PRR16: variants seen among roughly 807,000 people sequenced by gnomAD.
PRR16 encodes proline rich 16, also known as protein Largen.
A neutral mutation model predicts 18.2 loss-of-function variants in PRR16; 6 were observed. The observed-to-expected ratio is 0.33, with a 90% CI of 0.18 to 0.65. PRR16 has a LOEUF of 0.65. PRR16 is among the 30% of genes least tolerant of loss of function. PRR16 has a pLI of 0.74. For missense variants in PRR16, 412 were observed against 376.6 expected, an observed-to-expected ratio of 1.09 and a Z score of -0.78; for synonymous variants, 151 against 147.8, an observed-to-expected ratio of 1.02 and a Z score of -0.16.
intron 1 of PRR16, among the ~76,000 whole-genome samples, chr5:120,524,125 T>G (rs1304915838): frequency 6.6e-6 from 1 of 152,164 alleles, no homozygotes; most frequent in Admixed American, 6.5e-5. Context: ...TTATGTAAAC[T>G]CCTCAGTGGC....
chr5:120,608,583 G>T (rs150748617), intron 1 of PRR16, among the ~76,000 whole-genome samples: 22 of 152,096 alleles, frequency 1.4e-4, no homozygotes, highest in Non-Finnish European at 2.5e-4. Flanking sequence ...AAAGGCTAGA[G>T]TTCTTATTTG....
chr5:120,570,932 A>G (rs1239786221), intron 1 of PRR16, among the ~76,000 whole-genome samples: 1 of 152,168 alleles, frequency 6.6e-6, no homozygotes, highest in Non-Finnish European at 1.5e-5. Context: ...AAACAAGTGA[A>G]TAGGTATTAT....
In PRR16 at chr5:120,671,351, A is replaced by G. The variant is rs1228645880; in HGVS notation, c.160-14603A>G. ...GCTAGAAAAAAGACTCAGTTTTATC[A>G]TCTCAAGCTAGTGAGAGTCCAAATC... On this transcript the variant is annotated intron_variant, in intron 1 of 1. Transcript: ENST00000407149. 2.6e-5 allele frequency among the ~76,000 whole-genome samples: 4 copies of G among 152,162 alleles called. No individual in the cohort carries two copies. In the East Asian group the frequency reaches 7.7e-4, roughly 29 times the overall value.
chr5:120,486,362 T>G (rs1227435299), intron 1 of PRR16, among the ~76,000 whole-genome samples: 2 of 150,432 alleles, frequency 1.3e-5, no homozygotes, highest in East Asian at 3.9e-4. Flanking sequence ...TCAGATGGTA[T>G]CTCACTGTGG....
chr5:120,673,804 A>C (rs1427577213), intron 1 of PRR16, among the ~76,000 whole-genome samples: 1 of 151,996 alleles, frequency 6.6e-6, no homozygotes, highest in South Asian at 2.1e-4. Context: ...AACAAAAAAA[A>C]ATTAGCCCGG....
chr5:120,790,926 A>G, the PRR16 span: 5 of 152,198 alleles, frequency 3.3e-5, no homozygotes, highest in Admixed American at 3.3e-4. Flanking sequence ...AATAACAATG[A>G]AAAAGCATCA....
At chr5:120,609,026 A>G (rs1025616275) in intron 1 of PRR16, among the ~76,000 whole-genome samples, 1 of 152,130 alleles carries the variant, frequency 6.6e-6, no homozygotes, top group African/African-American at 2.4e-5. Flanking sequence ...CTGATTATTC[A>G]TCCTAAAATG....
the PRR16 span, among the ~76,000 whole-genome samples, chr5:120,764,045 TTTTA>T: frequency 6.6e-6 from 1 of 152,138 alleles, no homozygotes; most frequent in Non-Finnish European, 1.5e-5. Flanking sequence ...TTTAGAGAAC[TTTTA>T]TTTCTTTCTC....
chr5:120,520,864 CT>C (rs1237179838), intron 1 of PRR16, among the ~76,000 whole-genome samples: 54 of 150,706 alleles, frequency 3.6e-4, no homozygotes, highest in Non-Finnish European at 5.9e-5. Flanking sequence ...TATATATTTT[CT>C]TTTAATTTAT....
chr5:120,700,490 G>A, the PRR16 span, among the ~76,000 whole-genome samples: 3 of 152,126 alleles, frequency 2.0e-5, no homozygotes, highest in Middle Eastern at 3.4e-3. Flanking sequence ...TGTGAAGAAG[G>A]GTGGCAATGA....
chr5:120,766,527 T>C, the PRR16 span, among the ~76,000 whole-genome samples: 1 of 151,958 alleles, frequency 6.6e-6, no homozygotes, highest in East Asian at 1.9e-4. Flanking sequence ...TCTTTCTTTG[T>C]GGGTTATGTT....
intron 1 of PRR16, among the ~76,000 whole-genome samples, chr5:120,561,207 G>A (rs1752564339): frequency 6.6e-6 from 1 of 151,694 alleles, no homozygotes; most frequent in Non-Finnish European, 1.5e-5. Flanking sequence ...GGCATCATTA[G>A]GTTGTTTATT....
intron 1 of PRR16, among the ~76,000 whole-genome samples, chr5:120,527,921 T>C (rs1053032627): frequency 8.5e-5 from 13 of 152,188 alleles, no homozygotes; most frequent in African/African-American, 3.1e-4. Context: ...TGTATATGCC[T>C]AATGTAAAAA....
intron 1 of PRR16, among the ~76,000 whole-genome samples, chr5:120,648,719 A>T (rs1004940910): frequency 6.6e-6 from 1 of 152,164 alleles, no homozygotes; most frequent in African/African-American, 2.4e-5. Flanking sequence ...ATACGGGGTT[A>T]GTCAGTGATG....
chr5:120,541,608 G>C (rs574323320), intron 1 of PRR16, among the ~76,000 whole-genome samples: 1 of 152,304 alleles, frequency 6.6e-6, no homozygotes, highest in African/African-American at 2.4e-5. Context: ...TTCAGCTACA[G>C]CAGATTCGGG....
the PRR16 span, among the ~76,000 whole-genome samples, chr5:120,700,526 C>T: frequency 6.6e-6 from 1 of 151,972 alleles, no homozygotes; most frequent in Admixed American, 6.6e-5. Context: ...CAGGAATAGT[C>T]AGGGAAGCAG....
chr5:120,582,835 G>A (rs1275343025), intron 1 of PRR16, among the ~76,000 whole-genome samples: 2 of 152,184 alleles, frequency 1.3e-5, no homozygotes, highest in Non-Finnish European at 2.9e-5. Flanking sequence ...CCAAGGCTTG[G>A]CAGTTTGCCA....
chr5:120,715,105 T>TAA, the PRR16 span, among the ~76,000 whole-genome samples: 16 of 144,946 alleles, frequency 1.1e-4, no homozygotes, highest in African/African-American at 3.8e-4. Context: ...TCCCAGAACT[T>TAA]AAAAAAAAAA....
chr5:120,731,976 C>T, the PRR16 span, among the ~76,000 whole-genome samples: 1 of 152,136 alleles, frequency 6.6e-6, no homozygotes, highest in Non-Finnish European at 1.5e-5. Context: ...CCCTAGGGGG[C>T]TACAAATGGG....
Sources: allele counts gnomAD v4.1 joint callset (sites outside exome capture counted in the v4.1 genomes callset), GRCh38; gene constraint gnomAD v4.1.1; transcripts MANE v1.5; gene names NCBI Gene and HGNC (gene_info 2026-07-23, HGNC 2026-07-21).